Variants in MAP2 observed in about 807,000 individuals in gnomAD.
MAP2 encodes microtubule-associated protein 2.
A neutral mutation model predicts 137.6 loss-of-function variants in MAP2; 14 were observed. The observed-to-expected ratio is 0.10, with a 90% CI of 0.07 to 0.16. MAP2 has a LOEUF of 0.16. Among genes scored for constraint, MAP2 ranks in the 10% least tolerant of loss-of-function variants. MAP2 has a pLI of 1.00. For synonymous variants in MAP2, 786 were observed against 782.3 expected (o/e 1.00, Z -0.08); for missense variants, 2,088 against 2,191.5 (o/e 0.95, Z 0.94).
In MAP2 at chr2:209,490,698, CAAAG is replaced by C. The variant is rs544097828; in HGVS notation, c.-221-16891_-221-16888del. Among the ~76,000 whole-genome samples, 33 of 130,618 alleles carry C rather than the reference CAAAG, an allele frequency of 2.5e-4. No individual in the cohort carries two copies. The South Asian group carries it at 6.0e-3, about 24-fold the overall frequency. 85.7% of individuals were successfully genotyped at this position (130,618 alleles called of 152,430 possible). ...TTAAACCAACAAAGATCAAAAAAGA[CAAAG>C]AAGGACATTACGTAATGGTAAAGAG... On this transcript the variant is annotated intron_variant, in intron 1 of 15. Coordinates refer to ENST00000682079, the MANE Select transcript of MAP2 (RefSeq NM_001375505.1).
chr2:209,537,584 C>T (rs2150683164), intron 2 of MAP2, among the ~76,000 whole-genome samples: 1 of 152,222 alleles, frequency 6.6e-6, no homozygotes, highest in South Asian at 2.1e-4. Context: ...TCTGTACATA[C>T]ACAAGTTTTG....
At chr2:209,429,370 C>T (rs1167237838) in intron 1 of MAP2, among the ~76,000 whole-genome samples, 3 of 137,284 alleles carry the variant, frequency 2.2e-5, no homozygotes, top group Admixed American at 1.4e-4. Flanking sequence ...CACTATAAAA[C>T]ATGGTTCAAC....
chr2:209,658,345 G>C (rs1307068555), intron 5 of MAP2, among the ~76,000 whole-genome samples: 1 of 151,814 alleles, frequency 6.6e-6, no homozygotes, highest in Non-Finnish European at 1.5e-5. Flanking sequence ...TATCTTTACT[G>C]TGCCTGTTTA....
chr2:209,660,594 A>C (rs992922932), intron 5 of MAP2, among the ~76,000 whole-genome samples: 1 of 146,702 alleles, frequency 6.8e-6, no homozygotes, highest in African/African-American at 2.5e-5. Flanking sequence ...ACGGGGTTTC[A>C]CCGTGTTAGC....
chr2:209,612,490 A>C (rs956678671), intron 3 of MAP2, among the ~76,000 whole-genome samples: 3 of 152,186 alleles, frequency 2.0e-5, no homozygotes, highest in Non-Finnish European at 2.9e-5. Flanking sequence ...TCGTTCCTTT[A>C]TGTAATGCTA....
intron 11 of MAP2, among the ~76,000 whole-genome samples, chr2:209,701,719 AT>A (rs2061812277): frequency 6.6e-6 from 1 of 152,086 alleles, no homozygotes; most frequent in Non-Finnish European, 1.5e-5. Flanking sequence ...TTTCAGATAT[AT>A]TCCTGAACAT....
chr2:209,695,232 C>T lies in MAP2; in HGVS notation c.3062C>T (p.Ser1021Leu), dbSNP rs1022475497. The T allele has an allele frequency of 2.5e-6, 4 of 1,613,960 alleles. No individual in the cohort carries two copies. Among genetic ancestry groups the T allele is most frequent in the Non-Finnish European group, 3.4e-6 (4 of 1,180,010 alleles). The change falls in exon 8 of 16, where the codon TCA (serine) becomes TTA (leucine). Residue 1021 changes from serine (S) to leucine (L), a missense_variant. Physicochemically the swap from Ser to Leu is moderately radical, Grantham distance 145. This residue lies in a region of MAP2 where 500 missense variants were observed against 482.9 expected (regional missense o/e 1.04). Transcript: ENST00000682079. ...GAGAAAGCAGAGAAGGGTCTTAGTT[C>T]AGTGCCAGAGATAGCTGAGGTAGAA... ...SSEKAEKGLSSVPEIAEVEPS... is the reference protein window; with the variant it reads ...SSEKAEKGLSLVPEIAEVEPS...
chr2:209,727,214 C>T (rs79564384), intron 14 of MAP2, among the ~76,000 whole-genome samples: 2,507 of 152,308 alleles, frequency 0.016, 65 homozygotes, highest in African/African-American at 0.057. Flanking sequence ...CTATTCATGA[C>T]GCAGCAGGAA....
At chr2:209,480,499 A>G (rs1708459255) in intron 1 of MAP2, among the ~76,000 whole-genome samples, 1 of 152,006 alleles carries the variant, frequency 6.6e-6, no homozygotes, top group Non-Finnish European at 1.5e-5. Flanking sequence ...TTGGAATCAC[A>G]TTGTTTTCCT....
At chr2:209,478,262 A>G (rs563838310) in intron 1 of MAP2, among the ~76,000 whole-genome samples, 2 of 152,270 alleles carry the variant, frequency 1.3e-5, no homozygotes, top group South Asian at 2.1e-4. Context: ...AATCCCTATC[A>G]TGCTATCTCC....
At chr2:209,462,154 G>A (rs527809106) in intron 1 of MAP2, among the ~76,000 whole-genome samples, 67 of 152,228 alleles carry the variant, frequency 4.4e-4, no homozygotes, top group African/African-American at 1.4e-3. Flanking sequence ...ACTATGAAAC[G>A]TTTTGTTCTA....
rs1157690688 is a variant in MAP2, at chr2:209,435,985, A to G, written c.-222+11709A>G. Among the ~76,000 whole-genome samples the G allele has an allele frequency of 2.3e-5, 2 of 88,794 alleles. 1 individual carries two copies. The highest frequency in any genetic ancestry group is 4.0e-5 in the Non-Finnish European group (2 of 50,262). 58.3% of individuals were successfully genotyped at this position (88,794 alleles called of 152,430 possible). A position where few individuals can be genotyped will look rare whatever the true frequency, so the allele number is the denominator to read the frequency against. ...ATATATTATATATAATATATACAGTATATATTATATACTATATATACAGTA... is the reference window on the plus strand; with the variant it reads ...ATATATTATATATAATATATACAGTGTATATTATATACTATATATACAGTA... On this transcript the variant is annotated intron_variant, in intron 1 of 15. Transcript: ENST00000682079.
chr2:209,477,482 A>T (rs750867122), intron 1 of MAP2, among the ~76,000 whole-genome samples: 1 of 152,158 alleles, frequency 6.6e-6, no homozygotes, highest in Non-Finnish European at 1.5e-5. Context: ...TGAAAGGTTC[A>T]TGCTATTCCT....
At chr2:209,515,244 A>G (rs927211633) in intron 2 of MAP2, among the ~76,000 whole-genome samples, 8 of 152,066 alleles carry the variant, frequency 5.3e-5, no homozygotes, top group African/African-American at 1.2e-4. Context: ...TCTCTCATTT[A>G]TCTAAAGTTT....
intron 2 of MAP2, among the ~76,000 whole-genome samples, chr2:209,551,849 A>G (rs2069243306): frequency 6.6e-6 from 1 of 152,134 alleles, no homozygotes; most frequent in South Asian, 2.1e-4. Flanking sequence ...CCACATAATG[A>G]TCTTGTGAAG....
intron 3 of MAP2, among the ~76,000 whole-genome samples, chr2:209,608,019 T>C (rs574379403): frequency 6.6e-6 from 1 of 152,202 alleles, no homozygotes; most frequent in Non-Finnish European, 1.5e-5. Context: ...TTCTGAGAGA[T>C]CTCCTGTGAT....
At chr2:209,623,208 C>T (rs886818704) in intron 3 of MAP2, among the ~76,000 whole-genome samples, 1 of 152,084 alleles carries the variant, frequency 6.6e-6, no homozygotes, top group Non-Finnish European at 1.5e-5. Flanking sequence ...TCAAGTCTGG[C>T]ATTATGGCAT....
At chr2:209,681,656 A>G (rs2054605740) in intron 7 of MAP2, among the ~76,000 whole-genome samples, 1 of 152,318 alleles carries the variant, frequency 6.6e-6, no homozygotes, top group South Asian at 2.1e-4. Context: ...TTGTTTCAAC[A>G]TTACTTAGTT....
chr2:209,502,886 T>C lies in MAP2; in HGVS notation c.-221-4706T>C, dbSNP rs10204469. ...CTTGTTAGCCATTGTCATGTCTTCT[T>C]TGGAAAAATGTCTATTCAGGGTCCT... On this transcript the variant is annotated intron_variant, in intron 1 of 15. Transcript: ENST00000682079. Among the ~76,000 whole-genome samples, 1,096 of 152,292 alleles carry C rather than the reference T, an allele frequency of 7.2e-3. 16 individuals carry two copies. Among genetic ancestry groups the C allele is most frequent in the African/African-American group, 0.025 (1,050 of 41,562 alleles).
Sources: gnomAD v4.1 joint callset for allele counts (sites outside exome capture counted in the v4.1 genomes callset) on GRCh38, gnomAD v4.1.1 for gene constraint, gnomAD v4.1.1 regional missense constraint, MANE v1.5 for transcripts, NCBI Gene and HGNC (gene_info 2026-07-23, HGNC 2026-07-21) for gene names.